The following EPB41L5 variants were observed in gnomAD, a reference collection of about 807,000 sequenced individuals.
EPB41L5 encodes the protein band 4.1-like protein 5.
EPB41L5 carries 55 observed loss-of-function variants against 106.6 expected under a neutral mutation model. The observed-to-expected ratio is 0.52, with a 90% CI of 0.42 to 0.65. EPB41L5 has a LOEUF of 0.65. Ranked by LOEUF, EPB41L5 falls within the 30% of genes least tolerant of loss-of-function variation. The pLI is 0.00. For synonymous variants in EPB41L5, 297 were observed against 306.7 expected (o/e 0.97, Z 0.33); for missense variants, 871 against 882.1 (o/e 0.99, Z 0.16).
At chr2:120,028,485 A>G (rs1055555180) in intron 2 of EPB41L5, among the ~76,000 whole-genome samples, 6 of 152,152 alleles carry the variant, frequency 3.9e-5, no homozygotes, top group African/African-American at 1.2e-4. Context: ...GCAGTGGACT[A>G]TGATCATCCC....
chr2:120,093,403 G>A, intron 14 of EPB41L5, 127 bp downstream of exon 14: 1 of 780,118 alleles, frequency 1.3e-6, no homozygotes, highest in Non-Finnish European at 2.2e-6. Flanking sequence ...GATATGTCAG[G>A]GAATAAATGA....
chr2:120,076,151 T>A (rs987374637), intron 7 of EPB41L5, among the ~76,000 whole-genome samples: 1 of 152,232 alleles, frequency 6.6e-6, no homozygotes, highest in African/African-American at 2.4e-5. Flanking sequence ...CATACATGTT[T>A]GTGCATTGTT....
intron 18 of EPB41L5, among the ~76,000 whole-genome samples, chr2:120,140,337 G>A (rs1201762275): frequency 1.3e-5 from 2 of 151,954 alleles, no homozygotes; most frequent in Non-Finnish European, 2.9e-5. Flanking sequence ...AAATGTTTGA[G>A]GTGATGGATA....
At chr2:120,166,152 C>T (rs1015773428) in intron 22 of EPB41L5, among the ~76,000 whole-genome samples, 7 of 151,960 alleles carry the variant, frequency 4.6e-5, no homozygotes, top group Non-Finnish European at 7.4e-5. Context: ...TTGGAGGGGA[C>T]GTTAACACAC....
At chr2:120,100,324 CG>C (rs1303042174) in intron 15 of EPB41L5, 38 bp downstream of exon 15, 1 of 1,582,460 alleles carries the variant, frequency 6.3e-7, no homozygotes, top group Non-Finnish European at 8.7e-7. Context: ...CTGGATCACC[CG>C]TTAATTATGG....
intron 20 of EPB41L5, among the ~76,000 whole-genome samples, chr2:120,150,493 A>T (rs975762440): frequency 9.6e-5 from 14 of 146,524 alleles, no homozygotes; most frequent in Non-Finnish European, 1.5e-4. Flanking sequence ...AGCTAATTTA[A>T]AAAAAAAAAG....
intron 20 of EPB41L5, among the ~76,000 whole-genome samples, chr2:120,148,433 C>T (rs1390688307): frequency 6.6e-6 from 1 of 151,246 alleles, no homozygotes; most frequent in Non-Finnish European, 1.5e-5. Context: ...TCTTCATACT[C>T]ACTAGGATGA....
intron 16 of EPB41L5, among the ~76,000 whole-genome samples, chr2:120,110,888 C>G (rs747380327): frequency 6.6e-6 from 1 of 152,040 alleles, no homozygotes; most frequent in Non-Finnish European, 1.5e-5. Flanking sequence ...CTGATCTGCC[C>G]GCCTTGGCCT....
intron 3 of EPB41L5, among the ~76,000 whole-genome samples, chr2:120,062,759 T>C (rs1375413517): frequency 6.6e-6 from 1 of 152,220 alleles, no homozygotes; most frequent in Non-Finnish European, 1.5e-5. Context: ...TTTAATTTGA[T>C]CCTCAGAAAA....
At position 120,069,110 on chromosome 2, in the gene EPB41L5, A is replaced by G. The variant is rs538526273; in HGVS notation, c.286-4068A>G. 1.8e-3 allele frequency among the ~76,000 whole-genome samples: 225 copies of G among 127,714 alleles called. 2 individuals carry two copies. The highest frequency in any genetic ancestry group is 6.2e-3 in the African/African-American group (211 of 33,868). The allele number at this position is 127,714 out of a possible 152,430, so 83.8% of individuals were successfully genotyped here. ...GCCATTGCACTCCAGCCTGGGCAAC[A>G]AGAGTGAAACTCTGTCTCAAAAAAA... On this transcript the variant is annotated intron_variant, in intron 3 of 24. Coordinates refer to ENST00000263713, the MANE Select transcript of EPB41L5 (RefSeq NM_020909.4).
At chr2:120,100,660 C>T (rs534219230) in intron 15 of EPB41L5, 39 bp from the exon 16 acceptor site, 24 of 1,451,752 alleles carry the variant, frequency 1.7e-5, no homozygotes, top group African/African-American at 4.2e-5. Flanking sequence ...GATCTGTTAT[C>T]GAGGCAAAAT....
At chr2:120,142,894 A>G (rs1686241192) in intron 18 of EPB41L5, 109 bp from the exon 19 acceptor site, 1 of 951,854 alleles carries the variant, frequency 1.1e-6, no homozygotes, top group African/African-American at 1.7e-5. Flanking sequence ...GCTGCTTAAG[A>G]CACATGATTT....
At chr2:120,130,440 A>C (rs1685642176) in intron 17 of EPB41L5, among the ~76,000 whole-genome samples, 1 of 152,246 alleles carries the variant, frequency 6.6e-6, no homozygotes, top group East Asian at 1.9e-4. Context: ...AATAGTTACA[A>C]ATGGTAACTA....
chr2:120,063,236 A>T (rs1681199904), intron 3 of EPB41L5, among the ~76,000 whole-genome samples: 1 of 150,314 alleles, frequency 6.7e-6, no homozygotes, highest in Non-Finnish European at 1.5e-5. Flanking sequence ...CAGCTACTTG[A>T]GAGGCTGAGA....
chr2:120,059,486 A>G (rs1033157774), intron 3 of EPB41L5, among the ~76,000 whole-genome samples: 1 of 152,242 alleles, frequency 6.6e-6, no homozygotes, highest in African/African-American at 2.4e-5. Flanking sequence ...AATGGACTTC[A>G]TAAAAAATTA....
At chr2:120,083,524 T>A (rs1473519298) in intron 10 of EPB41L5, among the ~76,000 whole-genome samples, 1 of 152,332 alleles carries the variant, frequency 6.6e-6, no homozygotes, top group African/African-American at 2.4e-5. Context: ...TACTTCCAAC[T>A]ATGTGGTCAG....
chr2:120,125,192 C>G (rs1488907106), intron 16 of EPB41L5, among the ~76,000 whole-genome samples: 1 of 152,148 alleles, frequency 6.6e-6, no homozygotes, highest in Non-Finnish European at 1.5e-5. Context: ...TTATTGTCAG[C>G]ATAGACTCAT....
intron 2 of EPB41L5, among the ~76,000 whole-genome samples, chr2:120,033,137 A>T (rs937132820): frequency 1.3e-5 from 2 of 152,134 alleles, no homozygotes; most frequent in Non-Finnish European, 2.9e-5. Flanking sequence ...TCAGGTATTC[A>T]CTCACCCAGA....
At chr2:120,107,036 C>A in intron 16 of EPB41L5, 1 of 542,884 alleles carries the variant, frequency 1.8e-6, no homozygotes, top group Non-Finnish European at 2.3e-6. Context: ...AAGTGTTGGC[C>A]AAAAAATGTT....
Sources: gnomAD v4.1 joint callset for allele counts (sites outside exome capture counted in the v4.1 genomes callset) on GRCh38, gnomAD v4.1.1 for gene constraint, MANE v1.5 for transcripts, NCBI Gene and HGNC (gene_info 2026-07-23, HGNC 2026-07-21) for gene names.